MYOM1: variants seen among roughly 807,000 people sequenced by gnomAD.
MYOM1 encodes the protein myomesin-1.
A neutral mutation model predicts 205.3 loss-of-function variants in MYOM1; 164 were observed. The observed-to-expected ratio is 0.80, with a 90% CI of 0.70 to 0.91. The LOEUF (loss-of-function observed/expected upper bound fraction) is 0.91. Ranked by LOEUF, MYOM1 falls within the 40% of genes least tolerant of loss-of-function variation. MYOM1 has a pLI of 0.00. For synonymous variants in MYOM1, 772 were observed against 789.4 expected (o/e 0.98, Z 0.37); for missense variants, 2,011 against 2,127.3 (o/e 0.95, Z 1.08).
intron 18 of MYOM1, among the ~76,000 whole-genome samples, chr18:3,127,402 G>A (rs550291972): frequency 1.9e-4 from 28 of 145,998 alleles, no homozygotes; most frequent in African/African-American, 6.9e-4. Context: ...TCCGTCTTCT[G>A]GGTTCAAGCA....
At chr18:3,126,999 G>T in intron 18 of MYOM1, 102 bp from the exon 19 acceptor site, 1 of 1,064,962 alleles carries the variant, frequency 9.4e-7, no homozygotes, top group Non-Finnish European at 1.3e-6. Flanking sequence ...AGATCTTGCA[G>T]TATAAAACTA....
chr18:3,245,018 C>T, the MYOM1 span, among the ~76,000 whole-genome samples: 3 of 151,224 alleles, frequency 2.0e-5, no homozygotes, highest in Non-Finnish European at 2.9e-5. Flanking sequence ...AGGGAGAAGG[C>T]GACTGACTAT....
chr18:3,142,437 A>T (rs1403607294), intron 13 of MYOM1, among the ~76,000 whole-genome samples: 1 of 151,918 alleles, frequency 6.6e-6, no homozygotes, highest in African/African-American at 2.4e-5. Context: ...AATTCAAAAA[A>T]AAATATTTTT....
intron 5 of MYOM1, 91 bp downstream of exon 5, chr18:3,187,389 A>G: frequency 7.3e-7 from 1 of 1,372,756 alleles, no homozygotes; most frequent in South Asian, 1.4e-5. Flanking sequence ...GTCTTCATTG[A>G]CTCTTGCATA....
intron 2 of MYOM1, among the ~76,000 whole-genome samples, chr18:3,212,077 T>TA (rs902476022): frequency 3.3e-5 from 5 of 152,180 alleles, no homozygotes; most frequent in African/African-American, 4.8e-5. Flanking sequence ...GTTCTAGGTC[T>TA]AAAAAAAGAA....
At chr18:3,094,656 CTTTTTCTTTTTCTTTTTTT>C (rs1233777283) in intron 25 of MYOM1, among the ~76,000 whole-genome samples, 1 of 150,760 alleles carries the variant, frequency 6.6e-6, no homozygotes, top group Non-Finnish European at 1.5e-5. Flanking sequence ...GGTGTTTTTT[CTTTTTCTTTTTCTTTTTTT>C]TTTTGCAATA....
chr18:3,115,670 A>G (rs2079593974), intron 21 of MYOM1, among the ~76,000 whole-genome samples: 1 of 152,196 alleles, frequency 6.6e-6, no homozygotes, highest in Non-Finnish European at 1.5e-5. Flanking sequence ...CACTGCTAAC[A>G]CTAGCGGAAA....
rs2081245286 is a variant in MYOM1 at position 3,215,047 on chromosome 18, C to T, written c.177G>A (p.Glu59=). 6.2e-7 allele frequency: 1 copy of T among 1,613,142 alleles called. No individual in the cohort carries two copies. Among genetic ancestry groups the T allele is most frequent in the Non-Finnish European group, 8.5e-7 (1 of 1,179,682 alleles). ...RSSAAHRRES[E]AFRRASASSS... is the part of the protein sequence containing the mutation. Reference sequence around the variant, plus strand: ...AGGAGGCGGACGCCCGACGGAAGGCCTCGGACTCCCGGCGGTGCGCGGCGG... The same window carrying T: ...AGGAGGCGGACGCCCGACGGAAGGCTTCGGACTCCCGGCGGTGCGCGGCGG... Residue 59 remains glutamate, a synonymous_variant, in exon 2 of 38, where the codon GAG becomes GAA. Coordinates refer to ENST00000356443, the MANE Select transcript of MYOM1 (RefSeq NM_003803.4).
At chr18:3,101,131 T>TGA (rs2079370164) in intron 23 of MYOM1, among the ~76,000 whole-genome samples, 1 of 152,242 alleles carries the variant, frequency 6.6e-6, no homozygotes. Flanking sequence ...CAAATGTGTT[T>TGA]TATGTCAAGA....
the MYOM1 span, among the ~76,000 whole-genome samples, chr18:3,236,824 T>A: frequency 2.0e-5 from 3 of 151,882 alleles, no homozygotes; most frequent in East Asian, 3.9e-4. Flanking sequence ...AGAGAAGAGA[T>A]CCAAGCACTG....
In MYOM1 at chr18:3,214,996, G is replaced by A; in HGVS notation, c.228C>T (p.His76=). The A allele has an allele frequency of 6.2e-7, 1 of 1,611,726 alleles. No homozygotes were observed. Among genetic ancestry groups the A allele is most frequent in the South Asian group, 1.1e-5 (1 of 90,918 alleles). ...ASSSQQQASQ[H]ALSSEVSRKA... ...TCCGACTGACTTCAGAGCTCAGGGCGTGCTGCGAGGCCTGCTGCTGGGAGG... is the reference window on the plus strand; with the variant it reads ...TCCGACTGACTTCAGAGCTCAGGGCATGCTGCGAGGCCTGCTGCTGGGAGG... Residue 76 remains histidine (H), a synonymous_variant, in exon 2 of 38, where the codon CAC becomes CAT. Coordinates refer to ENST00000356443, the MANE Select transcript of MYOM1 (RefSeq NM_003803.4).
At chr18:3,136,571 C>A (rs182387676) in intron 14 of MYOM1, among the ~76,000 whole-genome samples, 398 of 152,094 alleles carry the variant, frequency 2.6e-3, no homozygotes, top group African/African-American at 9.4e-3. Context: ...GGACTACAGG[C>A]ACATGCCACC....
Position 3,090,763 on chromosome 18 carries a change from C to G in MYOM1, c.3904G>C (p.Glu1302Gln). The change falls in exon 27 of 38, where the codon GAA (glutamate) becomes CAA (glutamine). Residue 1302 changes from glutamate (E) to glutamine (Q), a missense_variant. Glu to Gln is a conservative substitution (Grantham distance 29). Transcript: ENST00000356443. ...TCCTGTAGCTTTTCCATGAACATTT[C>G]GATGATGCCAGTGTTTCGGTCAATA... is the stretch of plus-strand genomic sequence containing the variant. ...MHIDRNTGII[E>Q]MFMEKLQDED... 6.2e-7 allele frequency: 1 copy of G among 1,613,850 alleles called. No homozygotes were observed. Among genetic ancestry groups the G allele is most frequent in the South Asian group, 1.1e-5 (1 of 91,064 alleles).
Position 3,188,684 on chromosome 18 carries a change from C to G in MYOM1, c.771+64G>C, listed in dbSNP as rs1020574950. ...CTATATCTACACACACACACACACA[C>G]ACACACACCCCTTATGACATGCATT... is the stretch of plus-strand genomic sequence containing the variant. On this transcript the variant is annotated intron_variant, in intron 4 of 37. Coordinates refer to ENST00000356443, the MANE Select transcript of MYOM1 (RefSeq NM_003803.4). 1.1e-5 allele frequency: 16 copies of G among 1,397,336 alleles called. No individual in the cohort carries two copies. The Admixed American group carries it at 3.5e-4, about 31-fold the overall frequency. 86.6% of individuals were successfully genotyped at this position (1,397,336 alleles called of 1,614,324 possible).
chr18:3,148,725 A>G (rs909333178), intron 13 of MYOM1, among the ~76,000 whole-genome samples: 2 of 151,186 alleles, frequency 1.3e-5, no homozygotes, highest in Non-Finnish European at 3.0e-5. Flanking sequence ...GGGCGCCTGT[A>G]GTCCCAGCTG....
At chr18:3,116,261 T>G in intron 21 of MYOM1, 70 bp downstream of exon 21, 1 of 1,481,248 alleles carries the variant, frequency 6.8e-7, no homozygotes, top group South Asian at 1.2e-5. Flanking sequence ...CTGTTTTATC[T>G]TGCTAACTTT....
chr18:3,178,927 G>A (rs1330255462), intron 5 of MYOM1, among the ~76,000 whole-genome samples: 3 of 151,824 alleles, frequency 2.0e-5, no homozygotes, highest in Non-Finnish European at 4.4e-5. Flanking sequence ...GAGTGCAATG[G>A]TGTGATTATA....
chr18:3,099,355 G>A (rs2079348233), intron 25 of MYOM1, among the ~76,000 whole-genome samples: 1 of 152,226 alleles, frequency 6.6e-6, no homozygotes, highest in Admixed American at 6.5e-5. Context: ...TCTGGAATAG[G>A]AATATAGTTT....
At chr18:3,193,255 C>T (rs910976591) in intron 3 of MYOM1, among the ~76,000 whole-genome samples, 6 of 151,208 alleles carry the variant, frequency 4.0e-5, no homozygotes, top group African/African-American at 1.5e-4. Flanking sequence ...GCCTGGGTAA[C>T]AGAGTGAGAC....
Sources: allele counts gnomAD v4.1 joint callset (sites outside exome capture counted in the v4.1 genomes callset), GRCh38; gene constraint gnomAD v4.1.1; transcripts MANE v1.5; gene names NCBI Gene and HGNC (gene_info 2026-07-23, HGNC 2026-07-21).